The following P2RY8 variants were observed in gnomAD, a reference collection of about 807,000 sequenced individuals.
P2RY8 encodes the protein S-geranylgeranyl-glutathione receptor P2RY8.
Under a neutral mutation model 10.0 loss-of-function variants are expected in P2RY8, and 6 were observed. The ratio of observed to expected loss-of-function variants is 0.60; its 90% confidence interval spans 0.33 to 1.19. The LOEUF (loss-of-function observed/expected upper bound fraction) is 1.19. P2RY8 is among the 50% of genes most tolerant of loss of function. The pLI is 0.04. For missense variants in P2RY8, 456 were observed against 542.0 expected (o/e 0.84, Z 1.58); for synonymous variants, 276 against 252.5 (o/e 1.09, Z -0.88).
chrX:1,469,583 C>G (rs1296097836), intron 1 of P2RY8, among the ~76,000 whole-genome samples: 1 of 152,098 alleles, frequency 6.6e-6, no homozygotes, highest in Non-Finnish European at 1.5e-5. Flanking sequence ...AGCCCTCTCA[C>G]TTATTTCTTC....
intron 1 of P2RY8, among the ~76,000 whole-genome samples, chrX:1,513,121 A>T (rs1223353096): frequency 1.4e-5 from 2 of 147,802 alleles, no homozygotes; most frequent in Non-Finnish European, 3.0e-5. Flanking sequence ...AACATGCGGC[A>T]TTTCATTTTC....
intron 1 of P2RY8, among the ~76,000 whole-genome samples, chrX:1,497,231 A>G (rs1423421770): frequency 8.5e-6 from 1 of 117,770 alleles, no homozygotes; most frequent in Admixed American, 9.1e-5. Context: ...CAAAAAAAAA[A>G]AAAAAGAAAA....
chrX:1,524,261 A>AC (rs1225189612), intron 1 of P2RY8, among the ~76,000 whole-genome samples: 1 of 151,608 alleles, frequency 6.6e-6, no homozygotes, highest in African/African-American at 2.4e-5. Context: ...CCAGCTGCTT[A>AC]CCCCCCTCTC....
In P2RY8 at chrX:1,531,064, G is replaced by GTCTATCTA. The variant is rs1460780008; in HGVS notation, c.-25+5856_-25+5857insTAGATAGA. ...ATCGATTCTATCTATCTGTCTGTCT[G>GTCTATCTA]TCTGTCTATCTATCTATCTATCTAT... On this transcript the variant is annotated intron_variant, in intron 1 of 1. Transcript: ENST00000381297. Among the ~76,000 whole-genome samples the GTCTATCTA allele has an allele frequency of 3.8e-3, 335 of 87,088 alleles. 1 individual carries two copies. Among genetic ancestry groups the GTCTATCTA allele is most frequent in the African/African-American group, 9.1e-3 (233 of 25,576 alleles). The allele number at this position is 87,088 out of a possible 152,430, so 57.1% of individuals were successfully genotyped here.
At chrX:1,516,667 A>G (rs1332226483) in intron 1 of P2RY8, among the ~76,000 whole-genome samples, 8 of 149,760 alleles carry the variant, frequency 5.3e-5, no homozygotes, top group Non-Finnish European at 7.4e-5. Context: ...CAGCTCCAGG[A>G]TTGTGGGAGA....
chrX:1,467,599 T>G (rs1445162654), intron 1 of P2RY8, among the ~76,000 whole-genome samples: 1 of 152,230 alleles, frequency 6.6e-6, no homozygotes, highest in African/African-American at 2.4e-5. Context: ...AAAAAGTGTC[T>G]GTCAAAGGGA....
At chrX:1,518,115 A>T (rs1262731646) in intron 1 of P2RY8, among the ~76,000 whole-genome samples, 9 of 29,052 alleles carry the variant, frequency 3.1e-4, no homozygotes, top group Non-Finnish European at 5.2e-4. Context: ...ATCTCAAAAA[A>T]AAATAAAAAA....
chrX:1,493,362 A>AGGGAGGAAGGAG (rs1569537357), intron 1 of P2RY8, among the ~76,000 whole-genome samples: 8 of 13,808 alleles, frequency 5.8e-4, no homozygotes, highest in Admixed American at 1.6e-3. Flanking sequence ...AGGGGAGGGG[A>AGGGAGGAAGGAG]GGGGGAGGGA....
intron 1 of P2RY8, among the ~76,000 whole-genome samples, chrX:1,509,829 C>CTATT (rs2092285193): frequency 1.4e-5 from 2 of 146,410 alleles, no homozygotes; most frequent in East Asian, 3.9e-4. Context: ...ATCTATCTAT[C>CTATT]TATCTATCTC....
At chrX:1,516,219 A>AAC (rs1569538450) in intron 1 of P2RY8, among the ~76,000 whole-genome samples, 10 of 145,224 alleles carry the variant, frequency 6.9e-5, no homozygotes, top group African/African-American at 2.7e-4. Flanking sequence ...ACAACAACAA[A>AAC]AAAAAAACAG....
intron 1 of P2RY8, among the ~76,000 whole-genome samples, chrX:1,482,837 G>A (rs1472724110): frequency 2.0e-5 from 3 of 151,314 alleles, no homozygotes; most frequent in African/African-American, 7.3e-5. Context: ...GCAAACTATC[G>A]CAAGGACAAA....
intron 1 of P2RY8, among the ~76,000 whole-genome samples, chrX:1,528,123 A>T (rs1311207931): frequency 6.6e-6 from 1 of 152,224 alleles, no homozygotes; most frequent in Non-Finnish European, 1.5e-5. Flanking sequence ...CCAGGGTAAT[A>T]GCCTGAGTAT....
chrX:1,501,518 T>C (rs2092178891), intron 1 of P2RY8, among the ~76,000 whole-genome samples: 1 of 151,908 alleles, frequency 6.6e-6, no homozygotes, highest in African/African-American at 2.4e-5. Context: ...CTCACCACCA[T>C]GGCTGGCTAA....
chrX:1,510,563 C>G (rs1403800406), intron 1 of P2RY8, among the ~76,000 whole-genome samples: 1 of 152,136 alleles, frequency 6.6e-6, no homozygotes, highest in Non-Finnish European at 1.5e-5. Flanking sequence ...GCTGCACACT[C>G]AGTGCCTCTG....
chrX:1,521,799 C>T (rs757582140), intron 1 of P2RY8, among the ~76,000 whole-genome samples: 8 of 152,094 alleles, frequency 5.3e-5, no homozygotes, highest in South Asian at 2.1e-4. Context: ...CCTTTGCTTC[C>T]GGTGAGCGTG....
chrX:1,469,638 T>C (rs1217477866), intron 1 of P2RY8, among the ~76,000 whole-genome samples: 1 of 151,956 alleles, frequency 6.6e-6, no homozygotes, highest in East Asian at 1.9e-4. Flanking sequence ...ACACCTGTAA[T>C]CCCAGCACTT....
chrX:1,527,992 A>G, intron 1 of P2RY8, among the ~76,000 whole-genome samples: 1 of 152,258 alleles, frequency 6.6e-6, no homozygotes, highest in Middle Eastern at 3.4e-3. Flanking sequence ...TCCTGTTTCT[A>G]TTCCACGTGT....
intron 1 of P2RY8, among the ~76,000 whole-genome samples, chrX:1,497,216 C>T (rs1486723569): frequency 5.1e-4 from 28 of 54,870 alleles, no homozygotes; most frequent in Admixed American, 7.7e-4. Context: ...AGTGGGACTC[C>T]GTCTCAAAAA....
chrX:1,524,542 CAT>C (rs2092419331), intron 1 of P2RY8, among the ~76,000 whole-genome samples: 3 of 119,614 alleles, frequency 2.5e-5, no homozygotes, highest in Non-Finnish European at 3.6e-5. Flanking sequence ...TCCATCCATC[CAT>C]CCATCCATGC....
Sources: gnomAD v4.1 joint callset for allele counts (sites outside exome capture counted in the v4.1 genomes callset) on GRCh38, gnomAD v4.1.1 for gene constraint, MANE v1.5 for transcripts, NCBI Gene and HGNC (gene_info 2026-07-23, HGNC 2026-07-21) for gene names.